SEM1: variants seen among roughly 807,000 people sequenced by gnomAD.
The protein encoded by SEM1 is SEM1 26S proteasome subunit.
A neutral mutation model predicts 12.7 loss-of-function variants in SEM1; 3 were observed. The observed-to-expected ratio is 0.24, with a 90% CI of 0.11 to 0.61. SEM1 has a LOEUF of 0.61. Among genes scored for constraint, SEM1 ranks in the 20% least tolerant of loss-of-function variants. The pLI, the probability that SEM1 is intolerant of heterozygous loss-of-function variation, is 0.88. For missense variants in SEM1, 59 were observed against 81.3 expected, an observed-to-expected ratio of 0.73 and a Z score of 1.06; for synonymous variants, 30 against 27.8, an observed-to-expected ratio of 1.08 and a Z score of -0.25.
chr7:96,525,109 C>A (rs1248412771), intron 2 of SEM1, among the ~76,000 whole-genome samples: 1 of 152,104 alleles, frequency 6.6e-6, no homozygotes, highest in African/African-American at 2.4e-5. Flanking sequence ...CCTTCCTTTG[C>A]AAGTTTGTCT....
intron 1 of SEM1, among the ~76,000 whole-genome samples, chr7:96,705,195 G>A (rs1050906111): frequency 1.3e-5 from 2 of 152,054 alleles, no homozygotes; most frequent in Admixed American, 6.5e-5. Flanking sequence ...CCAGAGGGTG[G>A]GAAGGTGGGT....
At chr7:96,646,401 C>T (rs993292398) in intron 2 of SEM1, among the ~76,000 whole-genome samples, 1 of 152,176 alleles carries the variant, frequency 6.6e-6, no homozygotes, top group Non-Finnish European at 1.5e-5. Flanking sequence ...CAAAGTTTCT[C>T]TTATGTTCTG....
intron 2 of SEM1, among the ~76,000 whole-genome samples, chr7:96,661,799 C>A (rs1434875935): frequency 6.6e-6 from 1 of 151,898 alleles, no homozygotes; most frequent in African/African-American, 2.4e-5. Context: ...ACTACCCTGA[C>A]CAACATGGAG....
intron 2 of SEM1, among the ~76,000 whole-genome samples, chr7:96,616,853 T>C (rs1807737168): frequency 6.6e-6 from 1 of 152,150 alleles, no homozygotes; most frequent in Admixed American, 6.5e-5. Context: ...GATCAGTTTG[T>C]TGTAATTATA....
intron 2 of SEM1, among the ~76,000 whole-genome samples, chr7:96,616,117 A>T (rs1383071546): frequency 6.6e-6 from 1 of 152,198 alleles, no homozygotes. Context: ...AGAAACCTCC[A>T]TACTATTTTC....
chr7:96,586,291 A>G (rs1190978049), intron 2 of SEM1, among the ~76,000 whole-genome samples: 1 of 152,194 alleles, frequency 6.6e-6, no homozygotes, highest in Non-Finnish European at 1.5e-5. Flanking sequence ...TGCCAGTGGT[A>G]GGAAGGATTC....
chr7:96,696,627 T>C (rs377242508), intron 1 of SEM1: 5 of 152,092 alleles, frequency 3.3e-5, no homozygotes, highest in African/African-American at 1.2e-4. Context: ...CCAGAATCTA[T>C]TTTGGATGGA....
chr7:96,641,611 C>A (rs544894962), intron 2 of SEM1, among the ~76,000 whole-genome samples: 1 of 152,094 alleles, frequency 6.6e-6, no homozygotes, highest in South Asian at 2.1e-4. Flanking sequence ...TCTTGTCTAA[C>A]TAAAATGCAG....
intron 2 of SEM1, among the ~76,000 whole-genome samples, chr7:96,692,083 G>A (rs1789946986): frequency 6.6e-6 from 1 of 152,126 alleles, no homozygotes; most frequent in Non-Finnish European, 1.5e-5. Context: ...AGAAACACAA[G>A]AGTACATAAT....
rs1169350824 is a variant in SEM1, at chr7:96,634,644, G to T, written c.171-12001C>A. Among the ~76,000 whole-genome samples, 3 of 150,108 alleles carry T rather than the reference G, an allele frequency of 2.0e-5. No homozygotes were observed. In the East Asian group the frequency reaches 5.8e-4, roughly 29 times the overall value. On this transcript the variant is annotated intron_variant, in intron 2 of 2. Coordinates refer to the SEM1 transcript ENST00000417009. ...AGAAAAATAAAGATAATTCATGTAGGGTGGTATAATTTTGACTTGAGGAGG... is the reference window on the plus strand; with the variant it reads ...AGAAAAATAAAGATAATTCATGTAGTGTGGTATAATTTTGACTTGAGGAGG...
chr7:96,693,439 A>C (rs1789987783), intron 2 of SEM1, among the ~76,000 whole-genome samples: 1 of 152,076 alleles, frequency 6.6e-6, no homozygotes. Context: ...CCCAAAGCAA[A>C]GACTGACATG....
intron 2 of SEM1, among the ~76,000 whole-genome samples, chr7:96,520,084 A>G (rs1188313742): frequency 1.3e-5 from 2 of 152,146 alleles, no homozygotes; most frequent in Non-Finnish European, 2.9e-5. Flanking sequence ...GCCACAAGAA[A>G]GATGTTATAA....
At chr7:96,641,089 A>T (rs1164362482) in intron 2 of SEM1, among the ~76,000 whole-genome samples, 1 of 151,636 alleles carries the variant, frequency 6.6e-6, no homozygotes, top group Non-Finnish European at 1.5e-5. Flanking sequence ...AAATTTTTCA[A>T]TTTTTTCAAT....
At chr7:96,519,954 T>G (rs1804218903) in intron 2 of SEM1, among the ~76,000 whole-genome samples, 1 of 152,094 alleles carries the variant, frequency 6.6e-6, no homozygotes, top group African/African-American at 2.4e-5. Flanking sequence ...ATAGACTTCT[T>G]AATTAGAAAT....
intron 2 of SEM1, among the ~76,000 whole-genome samples, chr7:96,587,783 G>A (rs1309513453): frequency 1.3e-5 from 2 of 151,848 alleles, no homozygotes; most frequent in Non-Finnish European, 2.9e-5. Context: ...TTAAATATTA[G>A]AATACACGTG....
At chr7:96,697,499 T>C (rs1340689994) in intron 1 of SEM1, 3 of 152,110 alleles carry the variant, frequency 2.0e-5, no homozygotes, top group African/African-American at 7.2e-5. Context: ...GCATGAAATA[T>C]AGCATTTTTG....
intron 2 of SEM1, among the ~76,000 whole-genome samples, chr7:96,606,802 G>A (rs1390460483): frequency 1.3e-5 from 2 of 151,954 alleles, no homozygotes; most frequent in Non-Finnish European, 2.9e-5. Flanking sequence ...CCATTTTCCC[G>A]TAATGTGTTA....
chr7:96,540,063 C>T (rs1461352973), intron 2 of SEM1, among the ~76,000 whole-genome samples: 11 of 150,392 alleles, frequency 7.3e-5, no homozygotes, highest in Admixed American at 6.6e-4. Context: ...AAATTTACAA[C>T]TTATATAAAA....
chr7:96,521,243 C>T (rs548865487), intron 2 of SEM1, among the ~76,000 whole-genome samples: 18 of 152,178 alleles, frequency 1.2e-4, no homozygotes, highest in Non-Finnish European at 2.2e-4. Flanking sequence ...AGCTTAAACC[C>T]GGAGCAGACA....
Sources: allele counts gnomAD v4.1 joint callset (sites outside exome capture counted in the v4.1 genomes callset), GRCh38; gene constraint gnomAD v4.1.1; transcripts MANE v1.5; gene names NCBI Gene and HGNC (gene_info 2026-07-23, HGNC 2026-07-21).